Variants in CUX2 observed in about 807,000 individuals in gnomAD.
CUX2 encodes the protein cut like homeobox 2.
A neutral mutation model predicts 144.8 loss-of-function variants in CUX2; 40 were observed. The ratio of observed to expected loss-of-function variants is 0.28; its 90% CI spans 0.21 to 0.36. The LOEUF (loss-of-function observed/expected upper bound fraction) is 0.36, where lower values mean the gene tolerates loss of function less well. Among genes scored for constraint, CUX2 ranks in the 10% least tolerant of loss-of-function variants. The pLI, the probability that CUX2 is intolerant of heterozygous loss-of-function variation, is 1.00. For missense variants in CUX2, 1,615 were observed against 1,994.0 expected, an observed-to-expected ratio of 0.81 and a Z score of 3.62; for synonymous variants, 827 against 875.6, an observed-to-expected ratio of 0.94 and a Z score of 0.98.
At chr12:111,091,835 A>T (rs1212577267) in intron 1 of CUX2, among the ~76,000 whole-genome samples, 1 of 151,992 alleles carries the variant, frequency 6.6e-6, no homozygotes, top group Non-Finnish European at 1.5e-5. Context: ...CATCACTAGG[A>T]TCTTGCCTCC....
chr12:111,298,044 G>T (rs1324505290), intron 8 of CUX2, among the ~76,000 whole-genome samples: 3 of 152,146 alleles, frequency 2.0e-5, no homozygotes, highest in East Asian at 3.9e-4. Context: ...CATGAAGCAT[G>T]TGTGTGGCCT....
At chr12:111,346,388 A>G (rs1888806138) in intron 21 of CUX2, among the ~76,000 whole-genome samples, 2 of 151,222 alleles carry the variant, frequency 1.3e-5, no homozygotes, top group Non-Finnish European at 2.9e-5. Flanking sequence ...AGGCAGTAGA[A>G]TAGGTTGAAC....
chr12:111,226,824 C>T (rs1402779438), intron 3 of CUX2, among the ~76,000 whole-genome samples: 1 of 152,220 alleles, frequency 6.6e-6, no homozygotes, highest in Non-Finnish European at 1.5e-5. Context: ...GTAACATTCC[C>T]GCACATTTAA....
rs745772035 is a variant in CUX2 at position 111,255,782 on chromosome 12, A to T, written c.223-7979A>T. Reference sequence around the variant, plus strand: ...TCAGTGCTCAGTAGTCACTGTTATCATCAATAATAATGCACAAATCAGCCA... The same window carrying T: ...TCAGTGCTCAGTAGTCACTGTTATCTTCAATAATAATGCACAAATCAGCCA... On this transcript the variant is annotated intron_variant, in intron 3 of 21. Coordinates refer to ENST00000261726, the MANE Select transcript of CUX2 (RefSeq NM_015267.4). This position sits in a 1 kb window ranked among gnomAD's most constrained non-coding sequence, Gnocchi z 4.1. Among the ~76,000 whole-genome samples, 25 of 152,228 alleles carry T rather than the reference A, an allele frequency of 1.6e-4. No individual in the cohort carries two copies. The highest frequency in any genetic ancestry group is 2.9e-4 in the Non-Finnish European group (20 of 68,040).
chr12:111,338,959 G>A (rs1183051440), intron 20 of CUX2, among the ~76,000 whole-genome samples: 6 of 152,132 alleles, frequency 3.9e-5, no homozygotes, highest in African/African-American at 7.2e-5. Flanking sequence ...TCTGCCAGGT[G>A]CAGTGGCTCA....
At chr12:111,197,201 G>A (rs1452406622) in intron 1 of CUX2, among the ~76,000 whole-genome samples, 1 of 152,178 alleles carries the variant, frequency 6.6e-6, no homozygotes, top group Non-Finnish European at 1.5e-5. Flanking sequence ...TCTCTCGAAG[G>A]ACTGCTGTGA....
At chr12:111,092,180 C>G (rs966981131) in intron 1 of CUX2, among the ~76,000 whole-genome samples, 14 of 152,048 alleles carry the variant, frequency 9.2e-5, no homozygotes, top group African/African-American at 3.4e-4. Flanking sequence ...TCACCCTGAC[C>G]TTTGTTAGGA....
intron 1 of CUX2, among the ~76,000 whole-genome samples, chr12:111,041,639 A>G (rs1869747696): frequency 1.3e-5 from 2 of 152,186 alleles, no homozygotes; most frequent in African/African-American, 4.8e-5. Flanking sequence ...TCCCCTGAAA[A>G]TCAGGAGCTC....
intron 1 of CUX2, among the ~76,000 whole-genome samples, chr12:111,070,191 G>T (rs1177548632): frequency 6.6e-6 from 1 of 152,194 alleles, no homozygotes; most frequent in African/African-American, 2.4e-5. Flanking sequence ...TATCCAGGGA[G>T]TGGGAGAAGG....
At chr12:111,331,095 C>T (rs1351198848) in intron 18 of CUX2, among the ~76,000 whole-genome samples, 1 of 151,776 alleles carries the variant, frequency 6.6e-6, no homozygotes, top group Non-Finnish European at 1.5e-5. Flanking sequence ...GAGGGAAATG[C>T]TGTAGCTCCA....
At chr12:111,204,325 G>A (rs1880784436) in intron 1 of CUX2, among the ~76,000 whole-genome samples, 1 of 152,220 alleles carries the variant, frequency 6.6e-6, no homozygotes, top group Non-Finnish European at 1.5e-5. Context: ...TCCCACAGTT[G>A]TAATTGCCTG....
chr12:111,345,548 C>G (rs1374266409), intron 21 of CUX2, among the ~76,000 whole-genome samples: 1 of 150,578 alleles, frequency 6.6e-6, no homozygotes, highest in Non-Finnish European at 1.5e-5. Context: ...TCGAGACCAT[C>G]CTGGCTAACA....
chr12:111,163,007 C>A (rs1877880799), intron 1 of CUX2, among the ~76,000 whole-genome samples: 1 of 150,796 alleles, frequency 6.6e-6, no homozygotes, highest in Admixed American at 6.6e-5. Flanking sequence ...GATCCTACCA[C>A]TGCACTCCAG....
At chr12:111,280,751 C>G (rs1885086745) in intron 4 of CUX2, among the ~76,000 whole-genome samples, 1 of 152,118 alleles carries the variant, frequency 6.6e-6, no homozygotes, top group South Asian at 2.1e-4. Context: ...GGCCTCCTTC[C>G]CTGTGTGGCT....
At chr12:111,209,898 G>A (rs1881118958) in intron 1 of CUX2, among the ~76,000 whole-genome samples, 1 of 152,152 alleles carries the variant, frequency 6.6e-6, no homozygotes, top group South Asian at 2.1e-4. Flanking sequence ...GTTGCAAATG[G>A]GCTGTTTATG....
At chr12:111,170,471 T>A (rs1878446575) in intron 1 of CUX2, among the ~76,000 whole-genome samples, 1 of 145,448 alleles carries the variant, frequency 6.9e-6, no homozygotes, top group Non-Finnish European at 1.5e-5. Flanking sequence ...CCACCGTGGA[T>A]CACAGGATAG....
intron 3 of CUX2, among the ~76,000 whole-genome samples, chr12:111,235,035 G>A (rs1030164372): frequency 6.6e-6 from 1 of 151,968 alleles, no homozygotes; most frequent in African/African-American, 2.4e-5. Flanking sequence ...CTCTCTTTCT[G>A]ACCCTCAGTT....
intron 3 of CUX2, among the ~76,000 whole-genome samples, chr12:111,260,751 GT>G (rs1884079259): frequency 6.6e-6 from 1 of 152,158 alleles, no homozygotes; most frequent in South Asian, 2.1e-4. Context: ...AAAGTAGGGG[GT>G]GCTCTAGGCA....
intron 1 of CUX2, among the ~76,000 whole-genome samples, chr12:111,055,668 C>T (rs1054593588): frequency 1.8e-4 from 28 of 152,292 alleles, no homozygotes; most frequent in African/African-American, 6.7e-4. Context: ...AGGAAGGCAG[C>T]CCCCCTTCCC....
Sources: gnomAD v4.1 joint callset for allele counts (sites outside exome capture counted in the v4.1 genomes callset) on GRCh38, gnomAD v4.1.1 for gene constraint, Gnocchi (gnomAD v3.1) non-coding constraint, MANE v1.5 for transcripts, NCBI Gene and HGNC (gene_info 2026-07-23, HGNC 2026-07-21) for gene names.